The following RAD50 variants were observed in gnomAD, a reference collection of about 807,000 sequenced individuals.
RAD50 encodes the protein DNA repair protein RAD50.
Under a neutral mutation model 168.8 loss-of-function variants are expected in RAD50, and 132 were observed. The observed-to-expected ratio is 0.78, with a 90% confidence interval of 0.68 to 0.90. RAD50 has a LOEUF of 0.90. Among genes scored for constraint, RAD50 ranks in the 40% least tolerant of loss-of-function variants. The probability of loss-of-function intolerance (pLI) is 0.00; values close to 1 mark genes in which losing one functional copy is unlikely to be tolerated. For synonymous variants in RAD50, 525 were observed against 497.4 expected (o/e 1.06, Z -0.74); for missense variants, 1,347 against 1,534.4 (o/e 0.88, Z 2.04).
intron 7 of RAD50, 35 bp downstream of exon 7, chr5:132,588,124 C>G (rs994709217): frequency 1.3e-6 from 2 of 1,579,438 alleles, no homozygotes; most frequent in African/African-American, 2.7e-5. Flanking sequence ...GTTTTTCCTA[C>G]TATGATGTTA....
intron 12 of RAD50, 130 bp downstream of exon 12, chr5:132,595,174 C>T: frequency 2.1e-6 from 2 of 964,454 alleles, no homozygotes; most frequent in South Asian, 1.5e-5. Context: ...AGTCCTGGCT[C>T]TACAACTTAC....
chr5:132,559,453 A>AG, intron 2 of RAD50, 86 bp downstream of exon 2: 1 of 1,393,456 alleles, frequency 7.2e-7, no homozygotes, highest in Non-Finnish European at 9.8e-7. Flanking sequence ...GGAAAACTAT[A>AG]AAGAGAAATG....
intron 14 of RAD50, 134 bp from the exon 15 acceptor site, chr5:132,603,780 ATTAAAC>A (rs1750930095): frequency 2.3e-6 from 2 of 880,876 alleles, no homozygotes; most frequent in African/African-American, 3.4e-5. Flanking sequence ...CTTTTATCCT[ATTAAAC>A]TTTGCTAAAA....
In RAD50 at chr5:132,592,468, A is replaced by G. The variant is rs140871324; in HGVS notation, c.1793+434A>G. 3.6e-3 allele frequency among the ~76,000 whole-genome samples: 549 copies of G among 152,298 alleles called. 1 individual carries two copies. Among genetic ancestry groups the G allele is most frequent in the African/African-American group, 0.012 (503 of 41,554 alleles). ...ATGATTTCCCATCGAAACTCTTGCAAATGGCCCTTGTTTGATGAGAGGAAT... is the reference window on the plus strand; with the variant it reads ...ATGATTTCCCATCGAAACTCTTGCAGATGGCCCTTGTTTGATGAGAGGAAT... On this transcript the variant is annotated intron_variant, in intron 11 of 24. Coordinates refer to ENST00000378823, the MANE Select transcript of RAD50 (RefSeq NM_005732.4).
chr5:132,579,513 CT>C lies in RAD50; in HGVS notation c.551+13del. 2 of 1,603,616 alleles carry C rather than the reference CT, an allele frequency of 1.2e-6. No homozygotes were observed. Among genetic ancestry groups the C allele is most frequent in the Non-Finnish European group, 1.7e-6 (2 of 1,171,546 alleles). Reference sequence around the variant, plus strand: ...TTTTTCAGCAACAAGGTTTGTAACCCTTAAATAGACTTTGTAGTCCATTAAG... The same window carrying C: ...TTTTTCAGCAACAAGGTTTGTAACCCTAAATAGACTTTGTAGTCCATTAAG... On this transcript the variant is annotated intron_variant, in intron 4 of 24. Coordinates refer to ENST00000378823, the MANE Select transcript of RAD50 (RefSeq NM_005732.4).
chr5:132,615,997 C>T lies in RAD50; in HGVS notation c.3037-6C>T, dbSNP rs1209508205. 2 of 1,575,490 alleles carry T rather than the reference C, an allele frequency of 1.3e-6. No homozygotes were observed. Among genetic ancestry groups the T allele is most frequent in the Admixed American group, 1.7e-5 (1 of 59,844 alleles). ...TTTTGTTAACTAATTTAATGTTTACCTTTAGATACAAGAAAGGTGGCTACA... is the reference window on the plus strand; with the variant it reads ...TTTTGTTAACTAATTTAATGTTTACTTTTAGATACAAGAAAGGTGGCTACA... On this transcript the variant is annotated splice_region_variant and splice_polypyrimidine_tract_variant and intron_variant, in intron 19 of 24. Coordinates refer to ENST00000378823, the MANE Select transcript of RAD50 (RefSeq NM_005732.4).
chr5:132,609,254 A>T (rs759677971), intron 18 of RAD50, 29 bp from the exon 19 acceptor site: 3 of 1,607,890 alleles, frequency 1.9e-6, no homozygotes, highest in Non-Finnish European at 2.5e-6. Flanking sequence ...ATTTTTATTC[A>T]TGTGCTTAAA....
At chr5:132,635,353 T>G (rs533139591) in intron 21 of RAD50, among the ~76,000 whole-genome samples, 7 of 152,260 alleles carry the variant, frequency 4.6e-5, no homozygotes, top group East Asian at 3.8e-4. Context: ...TATTCCCTTA[T>G]GTAGATTACT....
rs1060501954 is a variant in RAD50, at chr5:132,589,636, CTT to C, written c.1253_1254del (p.Phe418CysfsTer13). The C allele has an allele frequency of 7.0e-6, 11 of 1,580,224 alleles. No homozygotes were observed. In the Admixed American group the frequency reaches 7.2e-5, roughly 10 times the overall value. On this transcript the variant is annotated frameshift_variant, in exon 9 of 25. Transcript: ENST00000378823. LOFTEE classifies it high-confidence loss of function. The part of the protein sequence containing the change: ...AKTANQLMND[F>X]AEKETLKQKQ... Reference sequence around the variant, plus strand: ...TTCTTTACATATGCATTTAGAATGACTTTGCAGAAAAAGAGACTCTGAAACAA... The same window carrying C: ...TTCTTTACATATGCATTTAGAATGACTGCAGAAAAAGAGACTCTGAAACAA...
intron 2 of RAD50, among the ~76,000 whole-genome samples, chr5:132,563,152 TTTG>T (rs145054215): frequency 0.048 from 7,269 of 152,172 alleles, 555 homozygotes; most frequent in African/African-American, 0.17. Context: ...AAAGGAAAGT[TTTG>T]TTGTTGTTGT....
rs749207201 is a variant in RAD50 at position 132,598,724 on chromosome 5, G to A, written c.2207+2914G>A. On this transcript the variant is annotated intron_variant, in intron 13 of 24. Transcript: ENST00000378823. Reference sequence around the variant, plus strand: ...ACATCTTCACATGGCCTCTGCATGCGTCTTGGGCTTTTGGCAGCACAGTGA... The same window carrying A: ...ACATCTTCACATGGCCTCTGCATGCATCTTGGGCTTTTGGCAGCACAGTGA... Among the ~76,000 whole-genome samples, 86 of 152,306 alleles carry A rather than the reference G, an allele frequency of 5.6e-4. 1 individual carries two copies. Among genetic ancestry groups the A allele is most frequent in the Admixed American group, 2.0e-4 (3 of 15,298 alleles).
rs1214048442 is a variant in RAD50 at position 132,642,633 on chromosome 5, C to T, written c.*269C>T. On this transcript the variant is annotated 3_prime_UTR_variant, in exon 25 of 25. Transcript: ENST00000378823. ...AGGGTTCAGCAGTACAGCCGAGACT[C>T]GACTCTGTGCCTCCCTCCCCAGTGC... is the stretch of plus-strand genomic sequence containing the variant. The T allele has an allele frequency of 1.4e-5, 7 of 509,944 alleles. No individual in the cohort carries two copies. Among genetic ancestry groups the T allele is most frequent in the Admixed American group, 3.3e-5 (1 of 29,938 alleles). The allele number at this position is 509,944 out of a possible 1,614,324, so 31.6% of individuals were successfully genotyped here.
intron 21 of RAD50, among the ~76,000 whole-genome samples, chr5:132,633,098 C>CTTT (rs34616055): frequency 8.6e-4 from 97 of 113,042 alleles, no homozygotes; most frequent in African/African-American, 1.0e-3. Context: ...TTCGTTTTTT[C>CTTT]TTTTTTTTTT....
chr5:132,576,477 C>A (rs143381020), intron 3 of RAD50, among the ~76,000 whole-genome samples: 227 of 152,314 alleles, frequency 1.5e-3, no homozygotes, highest in African/African-American at 5.3e-3. Flanking sequence ...CTTTGTTGAG[C>A]AAATTACTTG....
chr5:132,574,304 C>G (rs778057927), intron 2 of RAD50, among the ~76,000 whole-genome samples: 8 of 152,232 alleles, frequency 5.3e-5, no homozygotes, highest in South Asian at 2.1e-4. Flanking sequence ...AGGCTCAACA[C>G]CACGTGGAAG....
intron 2 of RAD50, among the ~76,000 whole-genome samples, chr5:132,560,241 G>A (rs988536342): frequency 2.0e-5 from 3 of 152,042 alleles, no homozygotes; most frequent in Admixed American, 6.6e-5. Context: ...ACATATTTTA[G>A]CACATTAATA....
intron 20 of RAD50, 71 bp downstream of exon 20, chr5:132,616,201 C>A: frequency 6.7e-7 from 1 of 1,499,280 alleles, no homozygotes; most frequent in Non-Finnish European, 9.2e-7. Context: ...TATTAAATAC[C>A]TGTTTTAAAA....
intron 13 of RAD50, among the ~76,000 whole-genome samples, chr5:132,596,878 G>A (rs1750800198): frequency 6.6e-6 from 1 of 152,260 alleles, no homozygotes; most frequent in South Asian, 2.1e-4. Context: ...ACCTGGAGAA[G>A]TTCATTCAGC....
Position 132,642,206 on chromosome 5 carries a change from A to AACTTCCAGCTTCTGG in RAD50, c.3782_3796dup (p.Leu1265_Val1266insAspPheGlnLeuLeu). On this transcript the variant is annotated inframe_insertion, in exon 25 of 25. Transcript: ENST00000378823. The stretch of plus-strand genomic sequence containing the variant: ...AATAAAAAGTCGCTCACAGCAGCGT[A>AACTTCCAGCTTCTGG]ACTTCCAGCTTCTGGTAATCACTCA... 6.2e-7 allele frequency: 1 copy of AACTTCCAGCTTCTGG among 1,614,212 alleles called. No individual in the cohort carries two copies. The highest frequency in any genetic ancestry group is 1.7e-5 in the Admixed American group (1 of 60,032).
Sources: gnomAD v4.1 joint callset for allele counts (sites outside exome capture counted in the v4.1 genomes callset) on GRCh38, gnomAD v4.1.1 for gene constraint, MANE v1.5 for transcripts, NCBI Gene and HGNC (gene_info 2026-07-23, HGNC 2026-07-21) for gene names.